SVEP1: variants seen among roughly 807,000 people sequenced by gnomAD.
The protein encoded by SVEP1 is sushi, von Willebrand factor type A, EGF and pentraxin domain-containing protein 1.
SVEP1 carries 164 observed loss-of-function variants against 367.3 expected under a neutral mutation model. That is an observed-to-expected ratio of 0.45 (90% CI 0.39 to 0.51). SVEP1 has a LOEUF of 0.51. Among genes scored for constraint, SVEP1 ranks in the 20% least tolerant of loss-of-function variants. The probability of loss-of-function intolerance (pLI) is 0.00; values close to 1 mark genes in which losing one functional copy is unlikely to be tolerated. For missense variants in SVEP1, 4,117 were observed against 4,425.3 expected, an observed-to-expected ratio of 0.93 and a Z score of 1.98; for synonymous variants, 1,666 against 1,611.6, an observed-to-expected ratio of 1.03 and a Z score of -0.81.
chr9:110,571,424 T>C (rs758652788), intron 1 of SVEP1, among the ~76,000 whole-genome samples: 3 of 152,164 alleles, frequency 2.0e-5, no homozygotes, highest in African/African-American at 7.2e-5. Flanking sequence ...TCTGTCCTTT[T>C]CTCCTTCTTG....
intron 36 of SVEP1, among the ~76,000 whole-genome samples, chr9:110,427,354 A>C (rs2118542594): frequency 6.6e-6 from 1 of 151,000 alleles, no homozygotes; most frequent in East Asian, 1.9e-4. Flanking sequence ...TTTTCACTGC[A>C]TTGCCCAATG....
intron 3 of SVEP1, among the ~76,000 whole-genome samples, chr9:110,526,224 T>C (rs1431716229): frequency 6.6e-6 from 1 of 152,080 alleles, no homozygotes; most frequent in African/African-American, 2.4e-5. Flanking sequence ...AAGCCTCTCA[T>C]AGAAGAACTA....
chr9:110,457,164 C>A, intron 21 of SVEP1, 92 bp downstream of exon 21: 1 of 1,026,264 alleles, frequency 9.7e-7, no homozygotes, highest in Non-Finnish European at 1.4e-6. Flanking sequence ...TGTATCTTAT[C>A]GGATATAGTT....
At chr9:110,432,378 C>A in intron 31 of SVEP1, 84 bp downstream of exon 31, 4 of 1,483,740 alleles carry the variant, frequency 2.7e-6, no homozygotes, top group Non-Finnish European at 3.6e-6. Context: ...CAAAGCAATG[C>A]CTCAAGAACC....
At position 110,498,980 on chromosome 9, in the gene SVEP1, C is replaced by G. The variant is rs571105167; in HGVS notation, c.1681+61G>C. ...AGTTGCAAAGAAGGATTGTCCTATA[C>G]TGCACCCATATGGCAATATTAAAAA... On this transcript the variant is annotated intron_variant, in intron 7 of 47. Coordinates refer to ENST00000374469, the MANE Select transcript of SVEP1 (RefSeq NM_153366.4). 8.8e-5 allele frequency: 129 copies of G among 1,471,574 alleles called. 1 individual carries two copies. The African/African-American group carries it at 1.6e-3, about 19-fold the overall frequency. 91.2% of individuals were successfully genotyped at this position (1,471,574 alleles called of 1,614,324 possible).
chr9:110,535,198 G>A (rs1036390633), intron 3 of SVEP1, among the ~76,000 whole-genome samples: 1 of 152,060 alleles, frequency 6.6e-6, no homozygotes, highest in Non-Finnish European at 1.5e-5. Flanking sequence ...TTTTTATATG[G>A]TATAAGAAAG....
chr9:110,517,369 G>A (rs1359685153), intron 3 of SVEP1, among the ~76,000 whole-genome samples: 27 of 152,008 alleles, frequency 1.8e-4, no homozygotes, highest in Non-Finnish European at 2.9e-5. Context: ...AGGTCGAGGT[G>A]GGTGGATCAC....
rs1325287770 is a variant in SVEP1, at chr9:110,407,930, TCA to T, written c.7668_7669del (p.Cys2556Ter). The T allele has an allele frequency of 6.2e-7, 1 of 1,614,002 alleles. No individual in the cohort carries two copies. The highest frequency in any genetic ancestry group is 8.5e-7 in the Non-Finnish European group (1 of 1,179,900). On this transcript the variant is annotated stop_gained and frameshift_variant, in exon 38 of 48. Coordinates refer to ENST00000374469, the MANE Select transcript of SVEP1 (RefSeq NM_153366.4). LOFTEE classifies it high-confidence loss of function. ...ACCATTTTCAATGGGTTGTGGGGAATCACAGTGGATGGCATTGCAAGATGGGG... is the reference window on the plus strand; with the variant it reads ...ACCATTTTCAATGGGTTGTGGGGAATCAGTGGATGGCATTGCAAGATGGGG...
At chr9:110,525,415 C>T (rs766183254) in intron 3 of SVEP1, among the ~76,000 whole-genome samples, 60 of 152,144 alleles carry the variant, frequency 3.9e-4, no homozygotes, top group Non-Finnish European at 7.9e-4. Flanking sequence ...CTATACAATG[C>T]TGAAAAGGAA....
At chr9:110,389,634 G>C (rs762986802) in intron 40 of SVEP1, 47 bp from the exon 41 acceptor site, 1 of 1,601,630 alleles carries the variant, frequency 6.2e-7, no homozygotes, top group South Asian at 1.1e-5. Context: ...CTCTACAATA[G>C]AAAGATAATA....
intron 3 of SVEP1, among the ~76,000 whole-genome samples, chr9:110,529,415 G>C (rs943492335): frequency 1.3e-5 from 2 of 152,014 alleles, no homozygotes; most frequent in Non-Finnish European, 2.9e-5. Context: ...TTGTTATTTT[G>C]ATAGGAATTG....
intron 3 of SVEP1, among the ~76,000 whole-genome samples, chr9:110,533,157 T>G (rs537481456): frequency 1.3e-5 from 2 of 152,262 alleles, no homozygotes; most frequent in East Asian, 3.9e-4. Context: ...CACCTCCTGC[T>G]ATGCAGCCCT....
chr9:110,402,429 C>T (rs1293292317), intron 39 of SVEP1, among the ~76,000 whole-genome samples: 1 of 152,120 alleles, frequency 6.6e-6, no homozygotes, highest in Non-Finnish European at 1.5e-5. Flanking sequence ...TTACACAATA[C>T]TCCTAGGTGC....
At chr9:110,458,609 A>C (rs747031397) in intron 19 of SVEP1, 47 bp from the exon 20 acceptor site, 1 of 1,524,014 alleles carries the variant, frequency 6.6e-7, no homozygotes, top group South Asian at 1.2e-5. Flanking sequence ...ATATGCCAGT[A>C]AGTGGACTAT....
chr9:110,381,967 TG>T (rs1297171995), intron 43 of SVEP1, among the ~76,000 whole-genome samples: 1 of 152,236 alleles, frequency 6.6e-6, no homozygotes, highest in Non-Finnish European at 1.5e-5. Context: ...TGATCTTCGC[TG>T]GTTTAAAATC....
At position 110,446,035 on chromosome 9, in the gene SVEP1, T is replaced by C; in HGVS notation, c.4265A>G (p.Gln1422Arg). Reference sequence around the variant, plus strand: ...AAAATCCAGGTTAAAGCCTGTAGACTGTTCTGCAATGAATAAGAAAAGTGT... The same window carrying C: ...AAAATCCAGGTTAAAGCCTGTAGACCGTTCTGCAATGAATAAGAAAAGTGT... ...GFSGKRCETE[Q>R]STGFNLDFEV... Residue 1422 changes from glutamine (Q) to arginine (R), a missense_variant, in exon 26 of 48, where the codon CAG (glutamine) becomes CGG (arginine). Coordinates refer to ENST00000374469, the MANE Select transcript of SVEP1 (RefSeq NM_153366.4). 1 of 1,606,444 alleles carries C rather than the reference T, an allele frequency of 6.2e-7. No homozygotes were observed. Among genetic ancestry groups the C allele is most frequent in the Non-Finnish European group, 8.5e-7 (1 of 1,175,976 alleles).
chr9:110,542,232 A>G (rs1384560600), intron 3 of SVEP1, among the ~76,000 whole-genome samples: 4 of 152,154 alleles, frequency 2.6e-5, no homozygotes, highest in Admixed American at 6.6e-5. Context: ...TATAGGACTT[A>G]GAGAAAAGTG....
At chr9:110,440,918 C>T (rs556851344) in intron 27 of SVEP1, among the ~76,000 whole-genome samples, 22 of 149,836 alleles carry the variant, frequency 1.5e-4, no homozygotes, top group African/African-American at 5.3e-4. Flanking sequence ...GAAAAGGGCA[C>T]AGCCATAAAT....
intron 43 of SVEP1, among the ~76,000 whole-genome samples, chr9:110,382,176 T>C (rs1827448876): frequency 6.6e-6 from 1 of 152,076 alleles, no homozygotes; most frequent in Non-Finnish European, 1.5e-5. Context: ...ATCTTGTCAT[T>C]GATCTTTGTA....
Sources: gnomAD v4.1 joint callset for allele counts (sites outside exome capture counted in the v4.1 genomes callset) on GRCh38, gnomAD v4.1.1 for gene constraint, MANE v1.5 for transcripts, NCBI Gene and HGNC (gene_info 2026-07-23, HGNC 2026-07-21) for gene names.